PCDHGB1: variants seen among roughly 807,000 people sequenced by gnomAD.
PCDHGB1 encodes the protein protocadherin gamma subfamily B, 1, also known as protocadherin gamma-B1.
In PCDHGB1, 34 loss-of-function variants were observed where a neutral mutation model predicts 56.6. The ratio of observed to expected loss-of-function variants is 0.60; its 90% confidence interval spans 0.46 to 0.80. The LOEUF (loss-of-function observed/expected upper bound fraction) is 0.80. Ranked by LOEUF, PCDHGB1 falls within the 30% of genes least tolerant of loss-of-function variation. The pLI is 0.00. For missense variants in PCDHGB1, 1,278 were observed against 1,204.6 expected, an observed-to-expected ratio of 1.06 and a Z score of -0.90; for synonymous variants, 561 against 505.9, an observed-to-expected ratio of 1.11 and a Z score of -1.46.
chr5:141,384,835 G>A (rs1390926308), intron 1 of PCDHGB1: 2 of 1,613,468 alleles, frequency 1.2e-6, no homozygotes, highest in East Asian at 2.2e-5. Flanking sequence ...CGTGGTGGCC[G>A]TCCAGGACCA....
chr5:141,357,722 C>A, intron 1 of PCDHGB1: 1 of 1,415,030 alleles, frequency 7.1e-7, no homozygotes, highest in Non-Finnish European at 9.5e-7. Context: ...AAAGTTGCCT[C>A]TTTTAATATT....
chr5:141,396,584 C>T (rs2093399172), intron 1 of PCDHGB1: 1 of 151,318 alleles, frequency 6.6e-6, no homozygotes, highest in Non-Finnish European at 1.5e-5. Flanking sequence ...CCTGTCACTG[C>T]ACTCCAGCCT....
At chr5:141,404,241 C>T (rs960579159) in intron 1 of PCDHGB1, 9 of 1,613,576 alleles carry the variant, frequency 5.6e-6, no homozygotes, top group African/African-American at 4.0e-5. Context: ...AGAGGAACTC[C>T]GCCCCTGTCC....
At chr5:141,399,335 A>G in intron 1 of PCDHGB1, 3 of 1,613,978 alleles carry the variant, frequency 1.9e-6, no homozygotes, top group Non-Finnish European at 2.5e-6. Flanking sequence ...TTGGTAACAG[A>G]TGGAACCCTA....
At chr5:141,502,512 T>C (rs1029375922) in intron 2 of PCDHGB1, among the ~76,000 whole-genome samples, 2 of 152,212 alleles carry the variant, frequency 1.3e-5, no homozygotes, top group East Asian at 1.9e-4. Context: ...CCTGTCCCAC[T>C]ATCAGTGATG....
chr5:141,486,707 C>A lies in PCDHGB1; in HGVS notation c.2410-8100C>A, dbSNP rs1314530265. On this transcript the variant is annotated intron_variant, in intron 1 of 3. Coordinates refer to ENST00000523390, the MANE Select transcript of PCDHGB1 (RefSeq NM_018922.3). The surrounding 1 kb of genome is among the most constrained non-coding windows in gnomAD (Gnocchi z 5.0). ...AGCTTCCTCTTTCATCTCTCTGAAC[C>A]CCCAGACAGGAGCTGTTCATGCTAC... 2 of 1,614,040 alleles carry A rather than the reference C, an allele frequency of 1.2e-6. No individual in the cohort carries two copies. The highest frequency in any genetic ancestry group is 1.7e-6 in the Non-Finnish European group (2 of 1,180,038).
At chr5:141,374,155 G>C in intron 1 of PCDHGB1, 1 of 1,612,144 alleles carries the variant, frequency 6.2e-7, no homozygotes, top group Non-Finnish European at 8.5e-7. Flanking sequence ...GGACGCTGTG[G>C]GGGGCCGCGG....
rs766155062 is a variant in PCDHGB1, at chr5:141,351,000, G to C, written c.740G>C (p.Ser247Thr). Residue 247 changes from serine (S) to threonine (T), a missense_variant, in exon 1 of 4, where the codon AGC becomes ACC. Coordinates refer to ENST00000523390, the MANE Select transcript of PCDHGB1 (RefSeq NM_018922.3). The stretch of plus-strand genomic sequence containing the variant: ...TTTAGCCAGGAGGTATACAGGGTTA[G>C]CCTCCAAGAAAACGTACCGTGGGGA... ...PVFSQEVYRV[S>T]LQENVPWGTS... The C allele has an allele frequency of 1.9e-6, 3 of 1,614,072 alleles. No homozygotes were observed. Among genetic ancestry groups the C allele is most frequent in the African/African-American group, 1.3e-5 (1 of 75,076 alleles).
At chr5:141,439,445 G>A (rs1030957687) in intron 1 of PCDHGB1, among the ~76,000 whole-genome samples, 5 of 152,102 alleles carry the variant, frequency 3.3e-5, no homozygotes, top group African/African-American at 4.8e-5. Flanking sequence ...ATTTTATTGC[G>A]GGAGCAAGAC....
rs866710706 is a variant in PCDHGB1, at chr5:141,485,167, G to A, written c.2410-9640G>A. On this transcript the variant is annotated intron_variant, in intron 1 of 3. Transcript: ENST00000523390. The surrounding 1 kb of genome is among the most constrained non-coding windows in gnomAD (Gnocchi z 5.7). ...AGGAGCAAGTAGAGAATTAGCGGGC[G>A]GCAGCAATGCTCCGCAAGGTGAGAA... The A allele has an allele frequency of 6.2e-7, 1 of 1,608,386 alleles. No homozygotes were observed.
chr5:141,373,848 C>A, intron 1 of PCDHGB1: 3 of 446,942 alleles, frequency 6.7e-6, no homozygotes, highest in Non-Finnish European at 7.9e-6. Flanking sequence ...GGACTCTAAG[C>A]GTCGCTGTTG....
intron 1 of PCDHGB1, chr5:141,409,633 TG>T: frequency 6.2e-7 from 1 of 1,613,852 alleles, no homozygotes; most frequent in Non-Finnish European, 8.5e-7. Context: ...TGAGCGCCTC[TG>T]ACCCGGATTT....
At chr5:141,365,765 C>T (rs1446100014) in intron 1 of PCDHGB1, 3 of 1,613,848 alleles carry the variant, frequency 1.9e-6, no homozygotes, top group African/African-American at 1.3e-5. Context: ...AGCCCATGAC[C>T]CCGACAGCGG....
At chr5:141,370,823 C>T (rs764531085) in intron 1 of PCDHGB1, 167 of 1,613,906 alleles carry the variant, frequency 1.0e-4, no homozygotes, top group Non-Finnish European at 1.2e-4. Flanking sequence ...TGGAAATCAG[C>T]GAACTGGCTC....
intron 1 of PCDHGB1, among the ~76,000 whole-genome samples, chr5:141,397,686 T>C (rs963267542): frequency 7.2e-5 from 11 of 152,372 alleles, no homozygotes; most frequent in Middle Eastern, 3.4e-3. Flanking sequence ...TGCAGGTTTG[T>C]ATAAAAACCC....
At chr5:141,409,747 C>A in intron 1 of PCDHGB1, 3 of 1,612,994 alleles carry the variant, frequency 1.9e-6, no homozygotes, top group South Asian at 1.1e-5. Flanking sequence ...GGGTGGTGTT[C>A]GCGCAGCGCG....
intron 1 of PCDHGB1, among the ~76,000 whole-genome samples, chr5:141,459,962 C>T (rs994878993): frequency 5.3e-5 from 8 of 152,290 alleles, no homozygotes; most frequent in South Asian, 2.1e-4. Flanking sequence ...CCTGTAATCC[C>T]AGCTACTCAG....
At chr5:141,468,797 C>A (rs191599825) in intron 1 of PCDHGB1, among the ~76,000 whole-genome samples, 1 of 151,770 alleles carries the variant, frequency 6.6e-6, no homozygotes, top group East Asian at 1.9e-4. Context: ...ACCCGGGAGG[C>A]GGAACTTGCA....
At chr5:141,469,079 C>T (rs1169035651) in intron 1 of PCDHGB1, among the ~76,000 whole-genome samples, 1 of 151,492 alleles carries the variant, frequency 6.6e-6, no homozygotes, top group Non-Finnish European at 1.5e-5. Context: ...GAGTTTGAGA[C>T]CATTCTAGGC....
Sources: allele counts gnomAD v4.1 joint callset (sites outside exome capture counted in the v4.1 genomes callset), GRCh38; gene constraint gnomAD v4.1.1; non-coding constraint Gnocchi (gnomAD v3.1); transcripts MANE v1.5; gene names NCBI Gene and HGNC (gene_info 2026-07-23, HGNC 2026-07-21).